Variants in SSC5D observed in about 807,000 individuals in gnomAD.
The protein encoded by SSC5D is scavenger receptor cysteine rich family member with 5 domains.
SSC5D carries 106 observed loss-of-function variants against 104.6 expected under a neutral mutation model. The ratio of observed to expected loss-of-function variants is 1.01; its 90% confidence interval spans 0.87 to 1.19. The LOEUF is 1.19. SSC5D is among the 50% of genes most tolerant of loss of function. The pLI is 0.00. For synonymous variants in SSC5D, 860 were observed against 883.5 expected (o/e 0.97, Z 0.47); for missense variants, 1,993 against 2,153.8 (o/e 0.93, Z 1.48).
Position 55,500,182 on chromosome 19 carries a change from G to C in SSC5D, c.2072G>C (p.Arg691Thr), listed in dbSNP as rs1354136886. ...AGGCCGACCACGGAGGCCCCCCAGA[G>C]ATGGACCTCTCACACCACTGCCACG... ...TRRPTTEAPQ[R>T]WTSHTTATLT... Residue 691 changes from arginine (R) to threonine (T), a missense_variant, in exon 10 of 14, where the codon AGA becomes ACA. Coordinates refer to ENST00000389623, the MANE Select transcript of SSC5D (RefSeq NM_001144950.2). This position sits in a 1 kb window ranked among gnomAD's most constrained non-coding sequence, Gnocchi z 4.6. 6.4e-7 allele frequency: 1 copy of C among 1,551,170 alleles called. No homozygotes were observed. Among genetic ancestry groups the C allele is most frequent in the African/African-American group, 1.4e-5 (1 of 72,854 alleles).
At chr19:55,509,242 C>T (rs1447633374) in intron 12 of SSC5D, among the ~76,000 whole-genome samples, 1 of 152,188 alleles carries the variant, frequency 6.6e-6, no homozygotes. Flanking sequence ...AAAAATGACA[C>T]CGTCTGGCAG....
rs1568487015 is a variant in SSC5D, at chr19:55,519,037, C to T, written c.*39C>T. On this transcript the variant is annotated 3_prime_UTR_variant, in exon 14 of 14. Transcript: ENST00000389623. The stretch of plus-strand genomic sequence containing the variant: ...TTGAGGGGCTTAAGACACCCCCAAC[C>T]AAAAAAAACAAAAACAAAAAAAACC... The T allele has an allele frequency of 6.7e-7, 1 of 1,493,666 alleles. No homozygotes were observed. The highest frequency in any genetic ancestry group is 2.5e-5 in the East Asian group (1 of 40,636). The allele number at this position is 1,493,666 out of a possible 1,614,324, so 92.5% of individuals were successfully genotyped here. A position where few individuals can be genotyped will look rare whatever the true frequency, so the allele number is the denominator to read the frequency against.
Position 55,501,116 on chromosome 19 carries a change from G to A in SSC5D, c.2700G>A (p.Ala900=), listed in dbSNP as rs554248124. The A allele has an allele frequency of 5.3e-5, 82 of 1,551,610 alleles. No homozygotes were observed. In the East Asian group the frequency reaches 1.2e-3, roughly 23 times the overall value. The part of the protein sequence containing the change: ...REDLAKGTTT[A]GVPGHTLPWR... Reference sequence around the variant, plus strand: ...ACCTGGCCAAGGGGACTACCACAGCGGGGGTACCTGGACACACTCTCCCCT... The same window carrying A: ...ACCTGGCCAAGGGGACTACCACAGCAGGGGTACCTGGACACACTCTCCCCT... The change falls in exon 12 of 14, where the codon GCG becomes GCA. Residue 900 remains alanine (A), a synonymous_variant. Coordinates refer to ENST00000389623, the MANE Select transcript of SSC5D (RefSeq NM_001144950.2).
intron 8 of SSC5D, 66 bp downstream of exon 8, chr19:55,494,849 G>A: frequency 1.4e-6 from 2 of 1,459,658 alleles, no homozygotes; most frequent in South Asian, 2.8e-5. Flanking sequence ...TCAGCTCTGA[G>A]ACTGTCTCAT....
rs575058544 is a variant in SSC5D, at chr19:55,504,261, G to A, written c.2785+3060G>A. The stretch of plus-strand genomic sequence containing the variant: ...CTGCGGAGACAGCGGGTCCGGCCTC[G>A]GGACCCCTCCCGTAGGGTAGGGAGG... On this transcript the variant is annotated intron_variant, in intron 12 of 13. Coordinates refer to ENST00000389623, the MANE Select transcript of SSC5D (RefSeq NM_001144950.2). 195 of 1,515,670 alleles carry A rather than the reference G, an allele frequency of 1.3e-4. 4 individuals carry two copies. In the South Asian group the frequency reaches 2.3e-3, roughly 18 times the overall value. 93.9% of individuals were successfully genotyped at this position (1,515,670 alleles called of 1,614,324 possible).
chr19:55,507,688 A>G (rs948965669), intron 12 of SSC5D, among the ~76,000 whole-genome samples: 2 of 150,610 alleles, frequency 1.3e-5, no homozygotes, highest in African/African-American at 4.9e-5. Flanking sequence ...AAAAAAAAAA[A>G]GAAAAAAAGA....
intron 6 of SSC5D, 72 bp downstream of exon 6, chr19:55,491,152 C>G: frequency 6.8e-7 from 1 of 1,473,018 alleles, no homozygotes; most frequent in Non-Finnish European, 9.0e-7. Context: ...CTCCAGGAAG[C>G]TGCAGCGGGC....
intron 13 of SSC5D, among the ~76,000 whole-genome samples, chr19:55,515,583 T>C (rs1987853961): frequency 6.6e-6 from 1 of 150,934 alleles, no homozygotes; most frequent in Non-Finnish European, 1.5e-5. Flanking sequence ...ATACAAAAAA[T>C]TAGCAGGACA....
intron 6 of SSC5D, 147 bp downstream of exon 6, chr19:55,491,227 TC>T: frequency 2.4e-6 from 2 of 849,846 alleles, no homozygotes; most frequent in Non-Finnish European, 3.5e-6. Flanking sequence ...CACCACGCTC[TC>T]CAGCCCCTCC....
rs574307617 is a variant in SSC5D at position 55,490,963 on chromosome 19, G to A, written c.778G>A (p.Val260Met). ...GARFGPGAGPVWMDDVGCGGG... is the reference protein window; with the variant it reads ...GARFGPGAGPMWMDDVGCGGG... ...CAGATTCGGGCCTGGTGCAGGGCCC[G>A]TGTGGATGGACGATGTGGGGTGTGG... Residue 260 changes from valine (V) to methionine (M), a missense_variant, in exon 6 of 14, where the codon GTG becomes ATG. Physicochemically the swap from Val to Met is conservative, Grantham distance 21 (BLOSUM62 1). Around this residue, in one of 6 missense-constraint regions of SSC5D, gnomAD observed 1,101 missense variants for 1,085.0 expected, o/e 1.01. Transcript: ENST00000389623. 34 of 1,547,106 alleles carry A rather than the reference G, an allele frequency of 2.2e-5. No individual in the cohort carries two copies. The highest frequency in any genetic ancestry group is 8.2e-5 in the African/African-American group (6 of 73,054).
intron 13 of SSC5D, among the ~76,000 whole-genome samples, chr19:55,515,295 T>C (rs2864438): frequency 0.36 from 53,011 of 147,856 alleles, 10,885 homozygotes; most frequent in African/African-American, 0.58. Flanking sequence ...ACTCAGGAAG[T>C]GGACACAGGA....
At chr19:55,499,604 G>T (rs536902353) in intron 9 of SSC5D, among the ~76,000 whole-genome samples, 1 of 152,318 alleles carries the variant, frequency 6.6e-6, no homozygotes, top group Non-Finnish European at 1.5e-5. Flanking sequence ...GAAGGCGGGG[G>T]CAGTGTCGGG....
rs1987438981 is a variant in SSC5D, at chr19:55,500,110, C to T, written c.2000C>T (p.Ala667Val). ...GACCTAACCTCACAGACCACTGCAG[C>T]ACTGACCACTGAGGCCTCCCGAAGA... Reference protein sequence around the residue: ...PPDLTSQTTAALTTEASRRPT... With the variant: ...PPDLTSQTTAVLTTEASRRPT... The change falls in exon 10 of 14, where the codon GCA (alanine) becomes GTA (valine). Residue 667 changes from alanine to valine, a missense_variant. Coordinates refer to ENST00000389623, the MANE Select transcript of SSC5D (RefSeq NM_001144950.2). This position sits in a 1 kb window ranked among gnomAD's most constrained non-coding sequence, Gnocchi z 4.6. 1.3e-6 allele frequency: 2 copies of T among 1,551,648 alleles called. No individual in the cohort carries two copies. Among genetic ancestry groups the T allele is most frequent in the Non-Finnish European group, 1.7e-6 (2 of 1,146,868 alleles).
intron 12 of SSC5D, among the ~76,000 whole-genome samples, chr19:55,505,774 T>A (rs1211354800): frequency 6.6e-6 from 1 of 151,822 alleles, no homozygotes; most frequent in African/African-American, 2.4e-5. Context: ...TCTCACTCTG[T>A]CGCCCAGGCT....
intron 12 of SSC5D, among the ~76,000 whole-genome samples, chr19:55,506,683 C>T (rs889662485): frequency 7.9e-5 from 12 of 152,100 alleles, no homozygotes; most frequent in East Asian, 1.9e-4. Context: ...CGTGAGCCAC[C>T]GCGCCCGGCC....
intron 12 of SSC5D, among the ~76,000 whole-genome samples, chr19:55,511,869 G>A (rs1987763650): frequency 6.6e-6 from 1 of 152,170 alleles, no homozygotes; most frequent in Non-Finnish European, 1.5e-5. Context: ...AGGGTCTCAG[G>A]GGAAGTTGGT....
chr19:55,510,680 GT>G (rs1429303313), intron 12 of SSC5D, among the ~76,000 whole-genome samples: 6 of 151,780 alleles, frequency 4.0e-5, no homozygotes, highest in African/African-American at 7.3e-5. Context: ...CTGCTAATGG[GT>G]TTTTTTCCCT....
In SSC5D at chr19:55,513,007, C is replaced by G; in HGVS notation, c.2786-4C>G. 6.4e-7 allele frequency: 1 copy of G among 1,552,006 alleles called. No homozygotes were observed. The highest frequency in any genetic ancestry group is 8.7e-7 in the Non-Finnish European group (1 of 1,147,042). ...ACTCAATCCTCTTCCCCATATCTCT[C>G]TAGGCAGCAAAGATGGTTACAAGCT... On this transcript the variant is annotated splice_region_variant and splice_polypyrimidine_tract_variant and intron_variant, in intron 12 of 13. Coordinates refer to ENST00000389623, the MANE Select transcript of SSC5D (RefSeq NM_001144950.2).
chr19:55,517,450 GA>G lies in SSC5D; in HGVS notation c.3176del (p.Asn1059ThrfsTer6), dbSNP rs1270335035. The G allele has an allele frequency of 1.3e-6, 2 of 1,551,010 alleles. No homozygotes were observed. Among genetic ancestry groups the G allele is most frequent in the East Asian group, 4.9e-5 (2 of 40,870 alleles). On this transcript the variant is annotated frameshift_variant, in exon 14 of 14. Transcript: ENST00000389623. LOFTEE classifies it low-confidence loss of function (END_TRUNC). ...PPTPDPASRT[N>X]PDLILTSPDF... is the part of the protein sequence containing the mutation. ...CCACCCCAGACCCGGCCTCCCGGACGAACCCCGACCTCATCTTGACAAGCCC... is the reference window on the plus strand; with the variant it reads ...CCACCCCAGACCCGGCCTCCCGGACGACCCCGACCTCATCTTGACAAGCCC...
Sources: allele counts gnomAD v4.1 joint callset (sites outside exome capture counted in the v4.1 genomes callset), GRCh38; gene constraint gnomAD v4.1.1; regional missense constraint gnomAD v4.1.1; non-coding constraint Gnocchi (gnomAD v3.1); transcripts MANE v1.5; gene names NCBI Gene and HGNC (gene_info 2026-07-23, HGNC 2026-07-21).